The following DIAPH2 variants were observed in gnomAD, a reference collection of about 807,000 sequenced individuals.
DIAPH2 encodes diaphanous related formin 2, also known as protein diaphanous homolog 2.
A neutral mutation model predicts 92.7 loss-of-function variants in DIAPH2; 35 were observed. The observed-to-expected ratio is 0.38, with a 90% CI of 0.29 to 0.50. The LOEUF (loss-of-function observed/expected upper bound fraction) is 0.50, where lower values mean the gene tolerates loss of function less well. DIAPH2 is among the 20% of genes least tolerant of loss of function. DIAPH2 has a pLI of 0.94. For synonymous variants in DIAPH2, 301 were observed against 280.4 expected (o/e 1.07, Z -0.73); for missense variants, 701 against 819.5 (o/e 0.86, Z 1.77).
At chrX:97,178,853 G>A (rs769061856) in intron 22 of DIAPH2, among the ~76,000 whole-genome samples, 2 of 110,756 alleles carry the variant, frequency 1.8e-5, no homozygotes, top group South Asian at 7.8e-4. Context: ...TGGTTTGAGG[G>A]AGTGGGTTCA....
chrX:97,099,177 A>G (rs764125463), intron 19 of DIAPH2, among the ~76,000 whole-genome samples: 3 of 110,783 alleles, frequency 2.7e-5, no homozygotes, highest in African/African-American at 9.8e-5. Flanking sequence ...AAATTATTCT[A>G]AACACGGTGA....
At chrX:97,500,827 G>T (rs1355390701) in intron 26 of DIAPH2, among the ~76,000 whole-genome samples, 1 of 96,251 alleles carries the variant, frequency 1.0e-5, no homozygotes, top group East Asian at 3.4e-4. Context: ...TTCTAGGGCT[G>T]CTGGGACATG....
chrX:97,504,008 G>A (rs1197188996), intron 26 of DIAPH2, among the ~76,000 whole-genome samples: 1 of 111,721 alleles, frequency 9.0e-6, no homozygotes, highest in East Asian at 2.8e-4. Flanking sequence ...TTGCAACGTA[G>A]TGATGAGTGA....
At chrX:97,560,710 C>G (rs1239457195) in intron 26 of DIAPH2, among the ~76,000 whole-genome samples, 1 of 112,318 alleles carries the variant, frequency 8.9e-6, no homozygotes, top group African/African-American at 3.2e-5. Context: ...CCAGGCTGGT[C>G]TTCAACTCCT....
intron 22 of DIAPH2, among the ~76,000 whole-genome samples, chrX:97,192,315 G>A (rs80282318): frequency 6.7e-3 from 533 of 79,070 alleles, no homozygotes; most frequent in African/African-American, 0.018. Context: ...AAAAAAAAAA[G>A]AAAAGAAAAG....
intron 17 of DIAPH2, among the ~76,000 whole-genome samples, chrX:96,988,189 TAA>T (rs1418904936): frequency 1.8e-5 from 2 of 109,838 alleles, no homozygotes; most frequent in Non-Finnish European, 3.8e-5. Context: ...TTTTAGAACT[TAA>T]AGTCTAACAG....
intron 22 of DIAPH2, among the ~76,000 whole-genome samples, chrX:97,164,472 GA>G (rs990765045): frequency 9.0e-6 from 1 of 110,881 alleles, no homozygotes; most frequent in South Asian, 3.8e-4. Flanking sequence ...CCATTTAAAA[GA>G]AAAAAAGAAA....
intron 9 of DIAPH2, among the ~76,000 whole-genome samples, chrX:96,922,045 G>A (rs147320570): frequency 0.035 from 3,906 of 110,780 alleles, 169 homozygotes; most frequent in African/African-American, 0.12. Flanking sequence ...ACTTTAATAT[G>A]TTATCCCATT....
intron 17 of DIAPH2, among the ~76,000 whole-genome samples, chrX:97,052,362 AT>A (rs1321258183): frequency 9.0e-6 from 1 of 111,220 alleles, no homozygotes; most frequent in African/African-American, 3.3e-5. Context: ...TAGTAGGTAT[AT>A]AACATGTGGG....
At chrX:97,486,000 C>A (rs775985302) in intron 26 of DIAPH2, among the ~76,000 whole-genome samples, 1 of 99,932 alleles carries the variant, frequency 1.0e-5, no homozygotes, top group South Asian at 5.3e-4. Flanking sequence ...CCCTTCTGTT[C>A]CTCTGTGTGT....
intron 4 of DIAPH2, among the ~76,000 whole-genome samples, chrX:96,807,505 A>G (rs750887399): frequency 1.8e-5 from 2 of 111,235 alleles, no homozygotes; most frequent in South Asian, 3.9e-4. Context: ...GGATCATTCA[A>G]ATGAAAAGTC....
intron 17 of DIAPH2, among the ~76,000 whole-genome samples, chrX:97,064,300 A>T (rs1251299866): frequency 9.0e-6 from 1 of 111,400 alleles, no homozygotes; most frequent in Non-Finnish European, 1.9e-5. Context: ...GGTGATCAGA[A>T]ACTAATCAGC....
intron 1 of DIAPH2, among the ~76,000 whole-genome samples, chrX:96,712,774 A>G (rs750163176): frequency 4.4e-4 from 49 of 111,607 alleles, no homozygotes; most frequent in Non-Finnish European, 9.4e-5. Flanking sequence ...TGCAAATTTT[A>G]TGCATAGATC....
At chrX:97,320,908 AAT>A (rs1365699632) in intron 23 of DIAPH2, among the ~76,000 whole-genome samples, 5 of 111,519 alleles carry the variant, frequency 4.5e-5, no homozygotes, top group Non-Finnish European at 9.4e-5. Context: ...AAGTATAAAA[AAT>A]ATTTTCATTA....
At chrX:96,988,229 A>G (rs937139662) in intron 17 of DIAPH2, among the ~76,000 whole-genome samples, 5 of 110,278 alleles carry the variant, frequency 4.5e-5, no homozygotes, top group African/African-American at 1.6e-4. Context: ...ACATGTAATT[A>G]TATTACTGTG....
chrX:97,147,001 G>A (rs62595763), intron 22 of DIAPH2, among the ~76,000 whole-genome samples: 227 of 109,767 alleles, frequency 2.1e-3, no homozygotes, highest in Middle Eastern at 0.019. Context: ...TTAAGTTTAC[G>A]TATTTATTTA....
chrX:97,507,291 G>T (rs887530084), intron 26 of DIAPH2, among the ~76,000 whole-genome samples: 16 of 110,048 alleles, frequency 1.5e-4, no homozygotes, highest in African/African-American at 5.3e-4. Flanking sequence ...TGAAATGAAT[G>T]AATAAGTCAT....
chrX:97,576,537 CAT>C (rs978244780), intron 26 of DIAPH2, among the ~76,000 whole-genome samples: 9 of 111,037 alleles, frequency 8.1e-5, no homozygotes, highest in Non-Finnish European at 1.5e-4. Flanking sequence ...TCAACAGTGT[CAT>C]GTGCTACAGA....
chrX:97,186,531 T>A (rs1230991417), intron 22 of DIAPH2, among the ~76,000 whole-genome samples: 1 of 112,134 alleles, frequency 8.9e-6, no homozygotes, highest in African/African-American at 3.2e-5. Flanking sequence ...TAGTTTGGCA[T>A]CAGTTATTTT....
Sources: gnomAD v4.1 joint callset for allele counts (sites outside exome capture counted in the v4.1 genomes callset) on GRCh38, gnomAD v4.1.1 for gene constraint, MANE v1.5 for transcripts, NCBI Gene and HGNC (gene_info 2026-07-23, HGNC 2026-07-21) for gene names.